Variants in FAT4 observed in about 807,000 individuals in gnomAD.
FAT4 encodes FAT atypical cadherin 4.
In FAT4, 84 loss-of-function variants were observed where a neutral mutation model predicts 303.9. The observed-to-expected ratio is 0.28, with a 90% confidence interval of 0.23 to 0.33. The LOEUF is 0.33. Among genes scored for constraint, FAT4 ranks in the 10% least tolerant of loss-of-function variants. The pLI is 1.00. For synonymous variants in FAT4, 2,307 were observed against 2,298.8 expected (o/e 1.00, Z -0.10); for missense variants, 6,005 against 6,146.8 (o/e 0.98, Z 0.77).
intron 2 of FAT4, among the ~76,000 whole-genome samples, chr4:125,364,102 C>G (rs1166947976): frequency 6.6e-6 from 1 of 151,660 alleles, no homozygotes; most frequent in African/African-American, 2.4e-5. Context: ...TTTTTGCTTA[C>G]TTTTGTGGAT....
rs144916040 is a variant in FAT4 at position 125,480,561 on chromosome 4, T to TAA, written c.12604+697_12604+698insAA. The stretch of plus-strand genomic sequence containing the variant: ...GGTTACTACTTAACTCCATTGCAGG[T>TAA]ATCTGACTACATTTAAGGAGTCATT... On this transcript the variant is annotated intron_variant, in intron 15 of 17. Transcript: ENST00000394329. Among the ~76,000 whole-genome samples, 701 of 152,238 alleles carry TAA rather than the reference T, an allele frequency of 4.6e-3. 8 individuals carry two copies. Among genetic ancestry groups the TAA allele is most frequent in the Non-Finnish European group, 7.5e-3 (512 of 67,974 alleles).
At chr4:125,393,594 T>TA (rs559302801) in intron 2 of FAT4, among the ~76,000 whole-genome samples, 8 of 151,814 alleles carry the variant, frequency 5.3e-5, no homozygotes, top group East Asian at 3.9e-4. Context: ...CTGCATATTA[T>TA]AAAAAAAAGA....
At position 125,452,660 on chromosome 4, in the gene FAT4, G is replaced by A; in HGVS notation, c.11650G>A (p.Gly3884Arg). The A allele has an allele frequency of 6.2e-7, 1 of 1,614,104 alleles. No homozygotes were observed. Among genetic ancestry groups the A allele is most frequent in the Non-Finnish European group, 8.5e-7 (1 of 1,180,028 alleles). Residue 3884 changes from glycine (G) to arginine (R), a missense_variant, in exon 10 of 18, where the codon GGA becomes AGA. By Grantham distance (125) the Gly-to-Arg change is moderately radical. Coordinates refer to ENST00000394329, the MANE Select transcript of FAT4 (RefSeq NM_001291303.3). ...HSGGTCHNLV[G>R]GFSCSCPDGF... Reference sequence around the variant, plus strand: ...TGGTGGAACCTGTCACAATTTAGTGGGAGGATTTTCATGCAGCTGCCCAGA... The same window carrying A: ...TGGTGGAACCTGTCACAATTTAGTGAGAGGATTTTCATGCAGCTGCCCAGA...
chr4:125,431,484 T>C lies in FAT4; in HGVS notation c.7019-2761T>C, dbSNP rs114743179. Among the ~76,000 whole-genome samples, 778 of 152,326 alleles carry C rather than the reference T, an allele frequency of 5.1e-3. 9 individuals carry two copies. The highest frequency in any genetic ancestry group is 0.018 in the African/African-American group (729 of 41,570). ...GGGGGCAGAATCCTGAGAGCTGTAATACAGAAAACTATATAATAAAAAATG... is the reference window on the plus strand; with the variant it reads ...GGGGGCAGAATCCTGAGAGCTGTAACACAGAAAACTATATAATAAAAAATG... On this transcript the variant is annotated intron_variant, in intron 7 of 17. Transcript: ENST00000394329.
intron 7 of FAT4, among the ~76,000 whole-genome samples, chr4:125,426,497 T>A (rs1296093236): frequency 1.3e-5 from 2 of 152,084 alleles, no homozygotes; most frequent in African/African-American, 2.4e-5. Flanking sequence ...ATTGTTTTAA[T>A]TCCTCTTATT....
intron 3 of FAT4, 61 bp downstream of exon 3, chr4:125,398,976 T>G: frequency 6.5e-7 from 1 of 1,544,124 alleles, no homozygotes. Flanking sequence ...ATCAAATTTC[T>G]AGGATATGTT....
At chr4:125,410,888 G>T (rs1415176772) in intron 5 of FAT4, among the ~76,000 whole-genome samples, 1 of 151,856 alleles carries the variant, frequency 6.6e-6, no homozygotes, top group Non-Finnish European at 1.5e-5. Flanking sequence ...CATTGTTTTA[G>T]TTTTGAATAC....
chr4:125,397,738 C>T (rs769662151), intron 2 of FAT4, among the ~76,000 whole-genome samples: 2 of 152,150 alleles, frequency 1.3e-5, no homozygotes, highest in Non-Finnish European at 2.9e-5. Flanking sequence ...TACTGCCTCT[C>T]CCCTTCCCAC....
intron 2 of FAT4, among the ~76,000 whole-genome samples, chr4:125,398,108 C>G (rs1317202552): frequency 1.3e-5 from 2 of 152,032 alleles, no homozygotes; most frequent in Non-Finnish European, 2.9e-5. Context: ...AACATTTTTT[C>G]TTAGGTGAGG....
At chr4:125,414,811 C>T in intron 5 of FAT4, 73 bp from the exon 6 acceptor site, 2 of 1,019,036 alleles carry the variant, frequency 2.0e-6, no homozygotes. Context: ...AAATTACTTG[C>T]TAAAAGTTTT....
intron 7 of FAT4, among the ~76,000 whole-genome samples, chr4:125,417,621 G>C (rs996335003): frequency 2.0e-5 from 3 of 152,130 alleles, no homozygotes; most frequent in Admixed American, 2.0e-4. Context: ...CAGATTATCA[G>C]TAACATTATG....
At chr4:125,336,589 C>G (rs1258080275) in intron 2 of FAT4, among the ~76,000 whole-genome samples, 1 of 152,000 alleles carries the variant, frequency 6.6e-6, no homozygotes, top group Non-Finnish European at 1.5e-5. Flanking sequence ...ATTTGAAACA[C>G]TTAGTAAAGA....
rs970493805 is a variant in FAT4 at position 125,487,559 on chromosome 4, C to T, written c.13037C>T (p.Ser4346Leu). 2.5e-6 allele frequency: 4 copies of T among 1,613,142 alleles called. No homozygotes were observed. Among genetic ancestry groups the T allele is most frequent in the Non-Finnish European group, 3.4e-6 (4 of 1,179,524 alleles). The change falls in exon 17 of 18, where the codon TCA (serine) becomes TTA (leucine). Residue 4346 changes from serine to leucine, a missense_variant. Ser to Leu is a moderately radical substitution (Grantham distance 145). Transcript: ENST00000394329. ...GGTGGCCTTGATGTGCTTACTATAT[C>T]ACTTGGAGGAATTCCACCCAATCAA... ...DFGGLDVLTI[S>L]LGGIPPNQAH...
At chr4:125,435,134 T>G (rs1292787425) in intron 8 of FAT4, among the ~76,000 whole-genome samples, 1 of 152,250 alleles carries the variant, frequency 6.6e-6, no homozygotes. Flanking sequence ...CTTCATTTAG[T>G]AAATGTATTT....
chr4:125,388,889 A>T (rs901912613), intron 2 of FAT4, among the ~76,000 whole-genome samples: 3 of 152,154 alleles, frequency 2.0e-5, no homozygotes, highest in Non-Finnish European at 2.9e-5. Context: ...CTACTCTCCA[A>T]GCCTGCCTGT....
At position 125,453,316 on chromosome 4, in the gene FAT4, G is replaced by A. The variant is rs577334626; in HGVS notation, c.11800+506G>A. 6.6e-5 allele frequency among the ~76,000 whole-genome samples: 10 copies of A among 152,164 alleles called. No homozygotes were observed. In the South Asian group the frequency reaches 8.3e-4, roughly 13 times the overall value. The stretch of plus-strand genomic sequence containing the variant: ...TTGTTGTTGATTCTTTATCATCATC[G>A]TTTTTGTGACCTTTTAAAATCATAG... On this transcript the variant is annotated intron_variant, in intron 10 of 17. Transcript: ENST00000394329.
chr4:125,465,823 A>C (rs886508127), intron 11 of FAT4, among the ~76,000 whole-genome samples: 1 of 152,244 alleles, frequency 6.6e-6, no homozygotes. Context: ...GTCAGTTGAC[A>C]ACATAAGCAC....
rs1328569048 is a variant in FAT4 at position 125,415,478 on chromosome 4, A to T, written c.6515A>T (p.Asp2172Val). 3.1e-6 allele frequency: 5 copies of T among 1,614,146 alleles called. No homozygotes were observed. Among genetic ancestry groups the T allele is most frequent in the Non-Finnish European group, 4.2e-6 (5 of 1,179,982 alleles). Residue 2172 changes from aspartate (D) to valine (V), a missense_variant, in exon 6 of 18, where the codon GAT becomes GTT. By Grantham distance (152) the Asp-to-Val change is radical. Coordinates refer to ENST00000394329, the MANE Select transcript of FAT4 (RefSeq NM_001291303.3). ...EINENTLTGT[D>V]IIQVFAADGD... ...AATGAAAACACACTTACTGGAACAGATATAATACAAGTGTTCGCAGCAGAT... is the reference window on the plus strand; with the variant it reads ...AATGAAAACACACTTACTGGAACAGTTATAATACAAGTGTTCGCAGCAGAT...
intron 5 of FAT4, among the ~76,000 whole-genome samples, 186 bp downstream of exon 5, chr4:125,408,980 C>T (rs1056369212): frequency 6.6e-6 from 1 of 151,982 alleles, no homozygotes; most frequent in Non-Finnish European, 1.5e-5. Context: ...CGGTTAAATT[C>T]TTATTTATAA....
Sources: allele counts gnomAD v4.1 joint callset (sites outside exome capture counted in the v4.1 genomes callset), GRCh38; gene constraint gnomAD v4.1.1; transcripts MANE v1.5; gene names NCBI Gene and HGNC (gene_info 2026-07-23, HGNC 2026-07-21).